The following RIMS2 variants were observed in gnomAD, a reference collection of about 807,000 sequenced individuals.
RIMS2 encodes the protein regulating synaptic membrane exocytosis 2, also known as regulating synaptic membrane exocytosis protein 2.
Under a neutral mutation model 174.4 loss-of-function variants are expected in RIMS2, and 59 were observed. That is an observed-to-expected ratio of 0.34 (90% CI 0.27 to 0.42). The LOEUF (loss-of-function observed/expected upper bound fraction) is 0.42. RIMS2 is among the 10% of genes least tolerant of loss of function. RIMS2 has a pLI of 1.00. For synonymous variants in RIMS2, 606 were observed against 572.5 expected (o/e 1.06, Z -0.84); for missense variants, 1,620 against 1,666.3 (o/e 0.97, Z 0.48).
chr8:103,972,919 T>C (rs924099317), intron 15 of RIMS2, among the ~76,000 whole-genome samples: 3 of 152,192 alleles, frequency 2.0e-5, no homozygotes, highest in Non-Finnish European at 4.4e-5. Flanking sequence ...AAAATAAACA[T>C]GTTTAAAATT....
intron 4 of RIMS2, among the ~76,000 whole-genome samples, chr8:103,891,120 A>G (rs2099242479): frequency 6.6e-6 from 1 of 152,042 alleles, no homozygotes; most frequent in South Asian, 2.1e-4. Flanking sequence ...TCTCCTCCCC[A>G]CTTCACTTTC....
At chr8:104,240,859 T>C (rs1378550089) in intron 19 of RIMS2, among the ~76,000 whole-genome samples, 4 of 152,166 alleles carry the variant, frequency 2.6e-5, no homozygotes, top group Admixed American at 1.3e-4. Context: ...TTGAAGCTTT[T>C]CTATGCATCA....
At chr8:104,114,005 C>A (rs1401000411) in intron 19 of RIMS2, among the ~76,000 whole-genome samples, 2 of 151,786 alleles carry the variant, frequency 1.3e-5, no homozygotes, top group Non-Finnish European at 2.9e-5. Context: ...TAGATATTTT[C>A]TTTTAATGTG....
At chr8:103,662,622 G>A (rs1487665168) in intron 1 of RIMS2, among the ~76,000 whole-genome samples, 1 of 152,004 alleles carries the variant, frequency 6.6e-6, no homozygotes, top group Non-Finnish European at 1.5e-5. Flanking sequence ...TCTTCAAGAA[G>A]CAAATTTCAG....
At chr8:104,110,789 A>G (rs1429532841) in intron 19 of RIMS2, among the ~76,000 whole-genome samples, 3 of 152,200 alleles carry the variant, frequency 2.0e-5, no homozygotes, top group Non-Finnish European at 4.4e-5. Flanking sequence ...ACTACTACAC[A>G]TACAGTCCTT....
intron 19 of RIMS2, among the ~76,000 whole-genome samples, chr8:104,190,355 T>C (rs1323075201): frequency 1.4e-5 from 2 of 147,736 alleles, no homozygotes; most frequent in African/African-American, 2.5e-5. Flanking sequence ...TTACTCCATC[T>C]TTCTAGGAGC....
chr8:104,163,145 A>G (rs2098774051), intron 19 of RIMS2, among the ~76,000 whole-genome samples: 1 of 152,156 alleles, frequency 6.6e-6, no homozygotes, highest in African/African-American at 2.4e-5. Flanking sequence ...GGCATTGCAG[A>G]CTTTATAGAA....
At chr8:104,167,980 A>G (rs2511637) in intron 19 of RIMS2, among the ~76,000 whole-genome samples, 33,717 of 151,974 alleles carry the variant, frequency 0.22, 4,507 homozygotes, top group South Asian at 0.37. Flanking sequence ...GGCTATAAGT[A>G]TTTGGCTTTA....
In RIMS2 at chr8:104,134,719, G is replaced by A. The variant is rs561197174; in HGVS notation, c.3335-110197G>A. On this transcript the variant is annotated intron_variant, in intron 19 of 23. Transcript: ENST00000504942. ...TGATGTGGATGGTCTACCACTGGGGGCTTCATCTTGAACATATCATTTTGT... is the reference window on the plus strand; with the variant it reads ...TGATGTGGATGGTCTACCACTGGGGACTTCATCTTGAACATATCATTTTGT... Among the ~76,000 whole-genome samples the A allele has an allele frequency of 5.9e-5, 9 of 152,240 alleles. No individual in the cohort carries two copies. The South Asian group carries it at 1.9e-3, about 32-fold the overall frequency.
At chr8:103,902,442 T>C (rs935589136) in intron 4 of RIMS2, among the ~76,000 whole-genome samples, 1 of 152,104 alleles carries the variant, frequency 6.6e-6, no homozygotes, top group East Asian at 1.9e-4. Flanking sequence ...ATGAATACCA[T>C]GAGGTGGGGA....
At chr8:104,063,788 T>C (rs1032734328) in intron 19 of RIMS2, among the ~76,000 whole-genome samples, 2 of 152,166 alleles carry the variant, frequency 1.3e-5, no homozygotes, top group Admixed American at 6.6e-5. Context: ...TCCTTGTGGA[T>C]TGTGTCACTG....
At position 103,867,329 on chromosome 8, in the gene RIMS2, A is replaced by T. The variant is rs548068600; in HGVS notation, c.699-17969A>T. On this transcript the variant is annotated intron_variant, in intron 3 of 23. Transcript: ENST00000504942. ...TAACATTCATTTAATTTAATAATGA[A>T]CATTTTGAAATACTCATAGAATACA... is the stretch of plus-strand genomic sequence containing the variant. 4.6e-5 allele frequency among the ~76,000 whole-genome samples: 7 copies of T among 151,910 alleles called. No homozygotes were observed. In the East Asian group the frequency reaches 1.4e-3, roughly 29 times the overall value.
intron 2 of RIMS2, among the ~76,000 whole-genome samples, chr8:103,711,096 C>T (rs2097297532): frequency 6.6e-6 from 1 of 152,218 alleles, no homozygotes; most frequent in Non-Finnish European, 1.5e-5. Context: ...TACCTTAGAA[C>T]ACTATCTTTT....
intron 14 of RIMS2, among the ~76,000 whole-genome samples, chr8:103,943,657 A>G (rs192834822): frequency 6.6e-6 from 1 of 152,290 alleles, no homozygotes; most frequent in East Asian, 1.9e-4. Context: ...AATATTTTCC[A>G]GATTGAATAA....
intron 1 of RIMS2, among the ~76,000 whole-genome samples, chr8:103,640,984 G>T (rs2096217198): frequency 6.6e-6 from 1 of 152,044 alleles, no homozygotes; most frequent in South Asian, 2.1e-4. Context: ...TCTCTTAATG[G>T]TTGCAGATGT....
chr8:103,944,779 C>T (rs1411815311), intron 14 of RIMS2, among the ~76,000 whole-genome samples: 1 of 151,960 alleles, frequency 6.6e-6, no homozygotes, highest in Admixed American at 6.6e-5. Context: ...TCAGTCTTGT[C>T]ACTATCAACT....
chr8:103,937,703 G>A (rs2081582996), intron 13 of RIMS2, among the ~76,000 whole-genome samples: 1 of 152,144 alleles, frequency 6.6e-6, no homozygotes, highest in South Asian at 2.1e-4. Context: ...GAAATAAGAA[G>A]GCATCAGGGT....
At chr8:103,631,187 C>A (rs2095910046) in intron 1 of RIMS2, among the ~76,000 whole-genome samples, 1 of 152,180 alleles carries the variant, frequency 6.6e-6, no homozygotes, top group African/African-American at 2.4e-5. Flanking sequence ...GCCATGAAAT[C>A]TTTGCCTGTT....
At chr8:104,249,349 T>A (rs1434494313) in intron 21 of RIMS2, 138 bp from the exon 28 acceptor site, 1 of 546,032 alleles carries the variant, frequency 1.8e-6, no homozygotes, top group African/African-American at 1.9e-5. Flanking sequence ...AAGATATTAT[T>A]GATAGAATTT....
Sources: allele counts gnomAD v4.1 joint callset (sites outside exome capture counted in the v4.1 genomes callset), GRCh38; gene constraint gnomAD v4.1.1; transcripts MANE v1.5; gene names NCBI Gene and HGNC (gene_info 2026-07-23, HGNC 2026-07-21).